LINGO2: variants seen among roughly 807,000 people sequenced by gnomAD.
LINGO2 encodes leucine-rich repeat and immunoglobulin-like domain-containing nogo receptor-interacting protein 2.
LINGO2 carries 14 observed loss-of-function variants against 30.6 expected under a neutral mutation model. The ratio of observed to expected loss-of-function variants is 0.46; its 90% CI spans 0.30 to 0.72. The LOEUF (loss-of-function observed/expected upper bound fraction) is 0.72, where lower values mean the gene tolerates loss of function less well. Among genes scored for constraint, LINGO2 ranks in the 30% least tolerant of loss-of-function variants. LINGO2 has a pLI of 0.07. For missense variants in LINGO2, 729 were observed against 751.7 expected (o/e 0.97, Z 0.35); for synonymous variants, 317 against 288.5 (o/e 1.10, Z -1.00).
chr9:28,291,493 T>C (rs1272823082), intron 4 of LINGO2, among the ~76,000 whole-genome samples: 1 of 152,146 alleles, frequency 6.6e-6, no homozygotes, highest in Non-Finnish European at 1.5e-5. Context: ...TCTGCCCGTA[T>C]GGAAGTTATA....
chr9:28,415,545 G>A (rs539296000), intron 2 of LINGO2, among the ~76,000 whole-genome samples: 12 of 152,118 alleles, frequency 7.9e-5, no homozygotes, highest in African/African-American at 1.9e-4. Flanking sequence ...CCTATCTTCC[G>A]ATCTTTTCTC....
intron 4 of LINGO2, among the ~76,000 whole-genome samples, chr9:28,093,619 G>C (rs7847704): frequency 0.6 from 90,686 of 151,694 alleles, 27,387 homozygotes; most frequent in Middle Eastern, 0.65. Flanking sequence ...CTTTTTAACC[G>C]TCAAGAAACC....
At chr9:28,582,842 T>C (rs1268064386) in intron 1 of LINGO2, among the ~76,000 whole-genome samples, 1 of 152,120 alleles carries the variant, frequency 6.6e-6, no homozygotes, top group African/African-American at 2.4e-5. Context: ...ACCTTGTTTA[T>C]GGTTAGTTTT....
chr9:29,203,041 C>A, the LINGO2 span, among the ~76,000 whole-genome samples: 2 of 152,008 alleles, frequency 1.3e-5, no homozygotes, highest in African/African-American at 4.8e-5. Context: ...TTATGCAGTA[C>A]CTGTGAGAAG....
chr9:28,623,020 C>T (rs888757772), intron 1 of LINGO2, among the ~76,000 whole-genome samples: 3 of 151,946 alleles, frequency 2.0e-5, no homozygotes, highest in African/African-American at 7.2e-5. Flanking sequence ...ATCTTTTGCC[C>T]ATTTTTAAAT....
intron 4 of LINGO2, among the ~76,000 whole-genome samples, chr9:28,282,458 C>A (rs537234649): frequency 1.1e-4 from 16 of 149,456 alleles, no homozygotes; most frequent in Non-Finnish European, 1.8e-4. Context: ...TCAGAAGGTT[C>A]TGGTTTAAGA....
chr9:28,608,935 T>G (rs1825801595), intron 1 of LINGO2, among the ~76,000 whole-genome samples: 1 of 152,026 alleles, frequency 6.6e-6, no homozygotes, highest in South Asian at 2.1e-4. Flanking sequence ...ATATATATTT[T>G]GCTCTTCACT....
At chr9:28,028,321 A>C (rs1463675220) in intron 4 of LINGO2, among the ~76,000 whole-genome samples, 2 of 152,142 alleles carry the variant, frequency 1.3e-5, no homozygotes, top group African/African-American at 4.8e-5. Context: ...TATTTCATCG[A>C]TTCTCATCTT....
the LINGO2 span, among the ~76,000 whole-genome samples, chr9:29,080,445 T>G: frequency 6.6e-6 from 1 of 152,248 alleles, no homozygotes; most frequent in East Asian, 1.9e-4. Flanking sequence ...TCTATCTCCT[T>G]CAGTCTGCTC....
chr9:29,168,824 G>C, the LINGO2 span, among the ~76,000 whole-genome samples: 1 of 152,180 alleles, frequency 6.6e-6, no homozygotes, highest in African/African-American at 2.4e-5. Context: ...GGAAACTTTA[G>C]TCTGCTCCCT....
At chr9:28,686,453 T>G in the LINGO2 span, among the ~76,000 whole-genome samples, 1 of 151,960 alleles carries the variant, frequency 6.6e-6, no homozygotes, top group Non-Finnish European at 1.5e-5. Flanking sequence ...GCCAGAACAC[T>G]AACAGAGTAA....
At chr9:28,988,345 C>T in the LINGO2 span, among the ~76,000 whole-genome samples, 1 of 152,102 alleles carries the variant, frequency 6.6e-6, no homozygotes, top group Non-Finnish European at 1.5e-5. Flanking sequence ...ATAAGAATAG[C>T]TACCCCTGCT....
At chr9:28,496,564 G>T (rs1037734834) in intron 1 of LINGO2, among the ~76,000 whole-genome samples, 1 of 151,696 alleles carries the variant, frequency 6.6e-6, no homozygotes, top group Non-Finnish European at 1.5e-5. Context: ...CTGCATGTGA[G>T]ATGGGTCTCC....
chr9:28,655,957 G>T (rs1243733707), intron 1 of LINGO2, among the ~76,000 whole-genome samples: 1 of 152,088 alleles, frequency 6.6e-6, no homozygotes, highest in South Asian at 2.1e-4. Context: ...TTAGGGGGCT[G>T]TACATCACAG....
At chr9:28,305,116 A>C (rs1303319180) in intron 3 of LINGO2, among the ~76,000 whole-genome samples, 2 of 152,032 alleles carry the variant, frequency 1.3e-5, no homozygotes, top group African/African-American at 4.8e-5. Context: ...ATAAACTAAA[A>C]AATAAAAACC....
the LINGO2 span, among the ~76,000 whole-genome samples, chr9:28,943,507 T>A: frequency 1.3e-5 from 2 of 152,332 alleles, no homozygotes; most frequent in East Asian, 3.9e-4. Flanking sequence ...CTTTAAGGCA[T>A]CCACTTATTG....
chr9:29,047,055 A>AAAAC, the LINGO2 span, among the ~76,000 whole-genome samples: 1 of 10,830 alleles, frequency 9.2e-5, no homozygotes, highest in Non-Finnish European at 2.7e-4. Context: ...AAAAAAACCA[A>AAAAC]AAACAAACAA....
chr9:28,386,268 A>C (rs1821576053), intron 2 of LINGO2, among the ~76,000 whole-genome samples: 1 of 152,158 alleles, frequency 6.6e-6, no homozygotes, highest in Admixed American at 6.5e-5. Context: ...TGAGAGAGGC[A>C]AACTTTCTAG....
the LINGO2 span, among the ~76,000 whole-genome samples, chr9:29,098,448 TAC>T: frequency 3.0e-4 from 45 of 149,226 alleles, no homozygotes; most frequent in African/African-American, 8.1e-4. Flanking sequence ...GGATGAGGGA[TAC>T]ACACACACAC....
Sources: gnomAD v4.1 joint callset for allele counts (sites outside exome capture counted in the v4.1 genomes callset) on GRCh38, gnomAD v4.1.1 for gene constraint, MANE v1.5 for transcripts, NCBI Gene and HGNC (gene_info 2026-07-23, HGNC 2026-07-21) for gene names.